The following AHNAK variants were observed in gnomAD, a reference collection of about 807,000 sequenced individuals.
AHNAK encodes the protein neuroblast differentiation-associated protein AHNAK.
AHNAK carries 23 observed loss-of-function variants against 37.8 expected under a neutral mutation model. That is an observed-to-expected ratio of 0.61 (90% CI 0.44 to 0.86). The LOEUF is 0.86. Ranked by LOEUF, AHNAK falls within the 40% of genes least tolerant of loss-of-function variation. The probability of loss-of-function intolerance (pLI) is 0.00; values close to 1 mark genes in which losing one functional copy is unlikely to be tolerated. For missense variants in AHNAK, 7,411 were observed against 7,319.4 expected (o/e 1.01, Z -0.46); for synonymous variants, 2,481 against 2,636.3 (o/e 0.94, Z 1.80).
chr11:62,476,213 C>T (rs1217662261), intron 5 of AHNAK, among the ~76,000 whole-genome samples: 1 of 152,078 alleles, frequency 6.6e-6, no homozygotes, highest in Non-Finnish European at 1.5e-5. Context: ...CATGGCGAAA[C>T]TCCCATCTCT....
intron 5 of AHNAK, among the ~76,000 whole-genome samples, chr11:62,454,570 T>A (rs569475214): frequency 6.6e-6 from 1 of 152,136 alleles, no homozygotes; most frequent in African/African-American, 2.4e-5. Flanking sequence ...CTGACCCTCA[T>A]TCCAGCAATA....
Position 62,517,750 on chromosome 11 carries a change from T to C in AHNAK, c.16667A>G (p.Asp5556Gly). 1 of 1,614,192 alleles carries C rather than the reference T, an allele frequency of 6.2e-7. No individual in the cohort carries two copies. The highest frequency in any genetic ancestry group is 8.5e-7 in the Non-Finnish European group (1 of 1,180,026). Reference protein sequence around the residue: ...PAFNMASPESDFGINLKGPKI... With the variant: ...PAFNMASPESGFGINLKGPKI... The stretch of plus-strand genomic sequence containing the variant: ...TGGGCCCTTCAAGTTGATGCCAAAA[T>C]CTGACTCAGGAGATGCCATATTAAA... The change falls in exon 5 of 5, where the codon GAT becomes GGT. Residue 5556 changes from aspartate to glycine, a missense_variant. Physicochemically the swap from Asp to Gly is moderately conservative, Grantham distance 94. Transcript: ENST00000378024.
Position 62,529,354 on chromosome 11 carries a change from T to G in AHNAK, c.5063A>C (p.Asp1688Ala), listed in dbSNP as rs747691950. The G allele has an allele frequency of 6.2e-7, 1 of 1,614,024 alleles. No individual in the cohort carries two copies. The highest frequency in any genetic ancestry group is 8.5e-7 in the Non-Finnish European group (1 of 1,179,998). Residue 1688 changes from aspartate (D) to alanine (A), a missense_variant, in exon 5 of 5, where the codon GAC becomes GCC. By Grantham distance (126) the Asp-to-Ala change is moderately radical. Transcript: ENST00000378024. ...VEGEMKVPDVDIKGPKVDIDA... is the reference protein window; with the variant it reads ...VEGEMKVPDVAIKGPKVDIDA... ...AATGTCCACTTTGGGCCCTTTAATG[T>G]CAACATCTGGCACTTTCATTTCACC...
At chr11:62,496,002 T>C (rs1390821852) in intron 4 of AHNAK, among the ~76,000 whole-genome samples, 1 of 150,982 alleles carries the variant, frequency 6.6e-6, no homozygotes, top group African/African-American at 2.4e-5. Flanking sequence ...TGAGCCAAGA[T>C]TGCGCCACTG....
At chr11:62,478,364 C>T (rs550967803) in intron 5 of AHNAK, among the ~76,000 whole-genome samples, 1 of 152,246 alleles carries the variant, frequency 6.6e-6, no homozygotes, top group African/African-American at 2.4e-5. Context: ...AGCAATGATA[C>T]AAGAATGCCT....
intron 5 of AHNAK, among the ~76,000 whole-genome samples, chr11:62,461,970 A>G (rs1040069909): frequency 2.0e-5 from 3 of 152,248 alleles, no homozygotes; most frequent in Admixed American, 1.3e-4. Context: ...GTCATTTTAT[A>G]GGGAAGAATT....
At position 62,516,820 on chromosome 11, in the gene AHNAK, G is replaced by C; in HGVS notation, c.17597C>G (p.Ser5866Cys). 1 of 1,614,110 alleles carries C rather than the reference G, an allele frequency of 6.2e-7. No individual in the cohort carries two copies. The highest frequency in any genetic ancestry group is 8.5e-7 in the Non-Finnish European group (1 of 1,180,022). Residue 5866 changes from serine (S) to cysteine (C), a missense_variant, in exon 5 of 5, where the codon TCT (serine) becomes TGT (cysteine). Coordinates refer to ENST00000378024, the MANE Select transcript of AHNAK (RefSeq NM_001620.3). ...ASKKSRLSSS[S>C]SNDSGNKVGI... is the part of the protein sequence containing the mutation. ...AACCTTATTCCCACTGTCATTGCTA[G>C]AAGAGGAGGACAGTCGGGACTTCTT...
downstream of AHNAK, among the ~76,000 whole-genome samples, chr11:62,513,653 C>T (rs914485579): frequency 1.3e-5 from 2 of 152,184 alleles, no homozygotes; most frequent in Admixed American, 1.3e-4. Context: ...GCCCTCCACA[C>T]ACCACATAAG....
intron 5 of AHNAK, among the ~76,000 whole-genome samples, chr11:62,437,418 C>T (rs1436035379): frequency 6.7e-6 from 1 of 148,408 alleles, no homozygotes; most frequent in Non-Finnish European, 1.5e-5. Context: ...TGCAATGGTG[C>T]AATCTCAGCC....
At position 62,531,217 on chromosome 11, in the gene AHNAK, ATCT is replaced by A. The variant is rs2134238443; in HGVS notation, c.3197_3199del (p.Lys1066del). ...ATCCAGGTCAACATCTGGCAAAGACATCTTAGGAGCTCTGAAGTGCATCTCAGG... is the reference window on the plus strand; with the variant it reads ...ATCCAGGTCAACATCTGGCAAAGACATAGGAGCTCTGAAGTGCATCTCAGG... On this transcript the variant is annotated inframe_deletion, in exon 5 of 5. Coordinates refer to ENST00000378024, the MANE Select transcript of AHNAK (RefSeq NM_001620.3). 1 of 1,614,130 alleles carries A rather than the reference ATCT, an allele frequency of 6.2e-7. No homozygotes were observed. The highest frequency in any genetic ancestry group is 8.5e-7 in the Non-Finnish European group (1 of 1,180,022).
At chr11:62,494,912 A>G (rs1395607292) in intron 4 of AHNAK, among the ~76,000 whole-genome samples, 1 of 151,104 alleles carries the variant, frequency 6.6e-6, no homozygotes, top group Non-Finnish European at 1.5e-5. Flanking sequence ...AGGCACGAGA[A>G]TCGCTTGAAC....
intron 4 of AHNAK, among the ~76,000 whole-genome samples, chr11:62,507,323 T>C (rs1444676066): frequency 6.6e-6 from 1 of 152,188 alleles, no homozygotes; most frequent in Non-Finnish European, 1.5e-5. Flanking sequence ...GTGGTTGTTG[T>C]GGAAATGAAA....
rs1255056223 is a variant in AHNAK, at chr11:62,525,521, G to C, written c.8896C>G (p.Pro2966Ala). 6.2e-7 allele frequency: 1 copy of C among 1,613,726 alleles called. No homozygotes were observed. Among genetic ancestry groups the C allele is most frequent in the Admixed American group, 1.7e-5 (1 of 59,976 alleles). The change falls in exon 5 of 5, where the codon CCT (proline) becomes GCT (alanine). Residue 2966 changes from proline (P) to alanine (A), a missense_variant. Coordinates refer to ENST00000378024, the MANE Select transcript of AHNAK (RefSeq NM_001620.3). Reference protein sequence around the residue: ...MNIKAPKIPMPDFDLHLKGPK... With the variant: ...MNIKAPKIPMADFDLHLKGPK... Reference sequence around the variant, plus strand: ...CCTTTCAGATGCAAATCAAAGTCAGGCATGGGGATCTTGGGGGCTTTGATA... The same window carrying C: ...CCTTTCAGATGCAAATCAAAGTCAGCCATGGGGATCTTGGGGGCTTTGATA...
Position 62,517,203 on chromosome 11 carries a change from C to G in AHNAK, c.17214G>C (p.Gly5738=). The G allele has an allele frequency of 6.2e-7, 1 of 1,614,118 alleles. No homozygotes were observed. Among genetic ancestry groups the G allele is most frequent in the African/African-American group, 1.3e-5 (1 of 75,046 alleles). Residue 5738 remains glycine (G), a synonymous_variant, in exon 5 of 5, where the codon GGG becomes GGC. Transcript: ENST00000378024. ...VTGSPEASIS[G]SKGDLKSSKA... Reference sequence around the variant, plus strand: ...TTGAACTTTTCAGGTCACCTTTGGACCCAGAAATTGATGCTTCTGGTGAGC... The same window carrying G: ...TTGAACTTTTCAGGTCACCTTTGGAGCCAGAAATTGATGCTTCTGGTGAGC...
chr11:62,510,642 G>A (rs1034958402), intron 4 of AHNAK, among the ~76,000 whole-genome samples: 2 of 152,028 alleles, frequency 1.3e-5, no homozygotes, highest in African/African-American at 2.4e-5. Context: ...TACTTGGGAG[G>A]CTGAGACAGG....
intron 5 of AHNAK, among the ~76,000 whole-genome samples, chr11:62,484,528 A>G (rs1939349759): frequency 6.6e-6 from 1 of 152,238 alleles, no homozygotes; most frequent in African/African-American, 2.4e-5. Flanking sequence ...AGAACATTCC[A>G]AGCATAGTTC....
downstream of AHNAK, among the ~76,000 whole-genome samples, chr11:62,511,548 G>A (rs975778693): frequency 2.6e-5 from 4 of 152,046 alleles, no homozygotes; most frequent in African/African-American, 7.2e-5. Flanking sequence ...GAGCCACCGC[G>A]TCCGGCCCAG....
At chr11:62,467,211 TAA>T (rs57593006) in intron 5 of AHNAK, among the ~76,000 whole-genome samples, 4 of 137,936 alleles carry the variant, frequency 2.9e-5, no homozygotes, top group Non-Finnish European at 3.1e-5. Context: ...GATCCTGTCT[TAA>T]AAAAAAAAAA....
At chr11:62,460,883 C>T (rs1195874210) in intron 5 of AHNAK, among the ~76,000 whole-genome samples, 1 of 151,950 alleles carries the variant, frequency 6.6e-6, no homozygotes, top group Non-Finnish European at 1.5e-5. Context: ...GTGCAGTGGC[C>T]GATCTCGGCT....
Sources: gnomAD v4.1 joint callset for allele counts (sites outside exome capture counted in the v4.1 genomes callset) on GRCh38, gnomAD v4.1.1 for gene constraint, MANE v1.5 for transcripts, NCBI Gene and HGNC (gene_info 2026-07-23, HGNC 2026-07-21) for gene names.